Variants in CNTNAP3 observed in about 807,000 individuals in gnomAD.
The protein encoded by CNTNAP3 is contactin-associated protein-like 3.
In CNTNAP3, 36 loss-of-function variants were observed where a neutral mutation model predicts 92.1. The observed-to-expected ratio is 0.39, with a 90% CI of 0.30 to 0.52. The LOEUF (loss-of-function observed/expected upper bound fraction) is 0.52, where lower values mean the gene tolerates loss of function less well. CNTNAP3 is among the 20% of genes least tolerant of loss of function. The probability of loss-of-function intolerance (pLI) is 0.76; values close to 1 mark genes in which losing one functional copy is unlikely to be tolerated. For missense variants in CNTNAP3, 534 were observed against 1,069.6 expected (o/e 0.50, Z 6.98); for synonymous variants, 232 against 422.3 (o/e 0.55, Z 5.53).
At chr9:39,136,837 T>C (rs1172433258) in intron 12 of CNTNAP3, among the ~76,000 whole-genome samples, 2 of 151,844 alleles carry the variant, frequency 1.3e-5, no homozygotes, top group African/African-American at 2.4e-5. Flanking sequence ...GTAGGCGGAG[T>C]TGTGGTGAGC....
chr9:39,081,922 CA>C (rs760745244), intron 21 of CNTNAP3, among the ~76,000 whole-genome samples: 28,525 of 123,058 alleles, frequency 0.23, 2,888 homozygotes, highest in East Asian at 0.37. Context: ...ACTAAAAATA[CA>C]AAAAAAAAAA....
At chr9:39,217,361 T>C (rs1194328957) in intron 3 of CNTNAP3, among the ~76,000 whole-genome samples, 1 of 9,372 alleles carries the variant, frequency 1.1e-4, no homozygotes, top group African/African-American at 1.9e-4. Flanking sequence ...TACATGAGTA[T>C]ATATATATAT....
At chr9:39,084,103 CAT>C (rs1419312612) in intron 21 of CNTNAP3, among the ~76,000 whole-genome samples, 1 of 151,396 alleles carries the variant, frequency 6.6e-6, no homozygotes, top group Non-Finnish European at 1.5e-5. Flanking sequence ...TACCTATTAA[CAT>C]GTGAGTGTAG....
intron 17 of CNTNAP3, 144 bp downstream of exon 17, chr9:39,102,353 G>C: frequency 7.3e-7 from 1 of 1,374,766 alleles, no homozygotes; most frequent in Non-Finnish European, 1.0e-6. Flanking sequence ...CAAGCTCCTG[G>C]AACCTACCAG....
rs1016380063 is a variant in CNTNAP3 at position 39,065,153 on chromosome 9, T to C, written c.*8737A>G. Among the ~76,000 whole-genome samples the C allele has an allele frequency of 6.6e-6, 1 of 152,304 alleles. No homozygotes were observed. Among genetic ancestry groups the C allele is most frequent in the African/African-American group, 2.4e-5 (1 of 41,486 alleles). On this transcript the variant is annotated 3_prime_UTR_variant, in exon 24 of 24. Coordinates refer to ENST00000297668, the MANE Select transcript of CNTNAP3 (RefSeq NM_033655.5). ...TGTGTTTCTCTGCAGTCAACTCCCA[T>C]CCCACCTCAACCCAGGTAACTACTG...
rs537112398 is a variant in CNTNAP3 at position 39,149,412 on chromosome 9, C to T, written c.1649+394G>A. Among the ~76,000 whole-genome samples, 12 of 151,786 alleles carry T rather than the reference C, an allele frequency of 7.9e-5. No individual in the cohort carries two copies. The East Asian group carries it at 2.1e-3, about 27-fold the overall frequency. Reference sequence around the variant, plus strand: ...TCGCCCAGGCTGGAGTGCAGTGGCGCGATCTCTGCTCACTGCAAGCTCCAC... The same window carrying T: ...TCGCCCAGGCTGGAGTGCAGTGGCGTGATCTCTGCTCACTGCAAGCTCCAC... On this transcript the variant is annotated intron_variant, in intron 10 of 23. Coordinates refer to ENST00000297668, the MANE Select transcript of CNTNAP3 (RefSeq NM_033655.5).
At chr9:39,105,000 A>T (rs576744923) in intron 15 of CNTNAP3, among the ~76,000 whole-genome samples, 45 of 152,280 alleles carry the variant, frequency 3.0e-4, no homozygotes, top group African/African-American at 1.1e-3. Context: ...ACCCAGTTAA[A>T]AATTTCTTCA....
intron 23 of CNTNAP3, among the ~76,000 whole-genome samples, chr9:39,077,307 C>T (rs1476881257): frequency 6.6e-6 from 1 of 151,928 alleles, no homozygotes; most frequent in Non-Finnish European, 1.5e-5. Context: ...GCCTGTAATC[C>T]CAGCACTTTG....
At position 39,068,997 on chromosome 9, in the gene CNTNAP3, T is replaced by C. The variant is rs1825576206; in HGVS notation, c.*4893A>G. Among the ~76,000 whole-genome samples, 1 of 135,510 alleles carries C rather than the reference T, an allele frequency of 7.4e-6. No individual in the cohort carries two copies. Among genetic ancestry groups the C allele is most frequent in the South Asian group, 2.3e-4 (1 of 4,266 alleles). 88.9% of individuals were successfully genotyped at this position (135,510 alleles called of 152,430 possible). On this transcript the variant is annotated 3_prime_UTR_variant, in exon 24 of 24. Coordinates refer to ENST00000297668, the MANE Select transcript of CNTNAP3 (RefSeq NM_033655.5). ...AGAAGTAAAATAAGAAAAAGAAATA[T>C]ATGTAAGTATAAACACACATACACA...
chr9:39,105,383 T>C (rs534480978), intron 15 of CNTNAP3, among the ~76,000 whole-genome samples: 197 of 152,238 alleles, frequency 1.3e-3, no homozygotes, highest in African/African-American at 4.1e-3. Flanking sequence ...GGTGAGATCA[T>C]GCCACTGCAC....
chr9:39,075,805 C>T (rs1366102573), intron 23 of CNTNAP3, among the ~76,000 whole-genome samples: 1 of 152,310 alleles, frequency 6.6e-6, no homozygotes, highest in Non-Finnish European at 1.5e-5. Flanking sequence ...TTGAGTTTCA[C>T]TGAGGTTTCT....
rs905525616 is a variant in CNTNAP3, at chr9:39,108,842, T to G, written c.2365+318A>C. Among the ~76,000 whole-genome samples, 22 of 152,204 alleles carry G rather than the reference T, an allele frequency of 1.4e-4. 1 individual carries two copies. Among genetic ancestry groups the G allele is most frequent in the Non-Finnish European group, 2.5e-4 (17 of 68,036 alleles). ...GTCTGAAGAGTATAAGGGCAATGAA[T>G]AAATATCCCTTAGAATTCAGAAAAT... On this transcript the variant is annotated intron_variant, in intron 15 of 23. Coordinates refer to ENST00000297668, the MANE Select transcript of CNTNAP3 (RefSeq NM_033655.5).
intron 11 of CNTNAP3, among the ~76,000 whole-genome samples, chr9:39,141,728 C>A (rs1821579400): frequency 6.6e-6 from 1 of 151,962 alleles, no homozygotes; most frequent in Non-Finnish European, 1.5e-5. Context: ...AAATTAATAA[C>A]AATACTTAAA....
At chr9:39,132,590 C>G (rs1821319115) in intron 13 of CNTNAP3, among the ~76,000 whole-genome samples, 1 of 152,120 alleles carries the variant, frequency 6.6e-6, no homozygotes, top group South Asian at 2.1e-4. Flanking sequence ...TCCCACTGGT[C>G]TTCATGAAGA....
Position 39,103,794 on chromosome 9 carries a change from A to G in CNTNAP3, c.2486T>C (p.Val829Ala). 1.9e-6 allele frequency: 3 copies of G among 1,611,018 alleles called. No individual in the cohort carries two copies. Among genetic ancestry groups the G allele is most frequent in the Non-Finnish European group, 2.5e-6 (3 of 1,179,744 alleles). The part of the protein sequence containing the change: ...FFFKTTVSSG[V>A]FMENLGITDF... ...TGTGATCCCCAGGTTCTCCATAAACACCCCGGAGGAAACTGTGGTCTTAAA... is the reference window on the plus strand; with the variant it reads ...TGTGATCCCCAGGTTCTCCATAAACGCCCCGGAGGAAACTGTGGTCTTAAA... Residue 829 changes from valine (V) to alanine (A), a missense_variant, in exon 16 of 24, where the codon GTG becomes GCG. Coordinates refer to ENST00000297668, the MANE Select transcript of CNTNAP3 (RefSeq NM_033655.5).
At chr9:39,164,967 C>T (rs539370168) in intron 9 of CNTNAP3, among the ~76,000 whole-genome samples, 1 of 146,884 alleles carries the variant, frequency 6.8e-6, no homozygotes, top group African/African-American at 2.6e-5. Context: ...TCAGTTTGGG[C>T]TGCTATTAAC....
At chr9:39,103,276 T>C (rs1331114883) in intron 16 of CNTNAP3, among the ~76,000 whole-genome samples, 1 of 152,276 alleles carries the variant, frequency 6.6e-6, no homozygotes, top group African/African-American at 2.4e-5. Context: ...TTCATTGTTT[T>C]ATTTTCTCTT....
intron 13 of CNTNAP3, among the ~76,000 whole-genome samples, chr9:39,125,655 T>A (rs1435648762): frequency 6.6e-6 from 1 of 151,754 alleles, no homozygotes; most frequent in Non-Finnish European, 1.5e-5. Flanking sequence ...ATGGTAACAC[T>A]AACCAAAAAG....
At chr9:39,098,255 A>G (rs78068110) in intron 18 of CNTNAP3, among the ~76,000 whole-genome samples, 24,058 of 134,500 alleles carry the variant, frequency 0.18, 2,531 homozygotes, top group East Asian at 0.33. Context: ...TTTTAATTTT[A>G]TATCAAGTTA....
Sources: gnomAD v4.1 joint callset for allele counts (sites outside exome capture counted in the v4.1 genomes callset) on GRCh38, gnomAD v4.1.1 for gene constraint, MANE v1.5 for transcripts, NCBI Gene and HGNC (gene_info 2026-07-23, HGNC 2026-07-21) for gene names.